Variants in DYNC2H1 observed in about 807,000 individuals in gnomAD.
DYNC2H1 encodes cytoplasmic dynein 2 heavy chain 1.
DYNC2H1 carries 410 observed loss-of-function variants against 570.0 expected under a neutral mutation model. That is an observed-to-expected ratio of 0.72 (90% CI 0.66 to 0.78). The LOEUF (loss-of-function observed/expected upper bound fraction) is 0.78. Ranked by LOEUF, DYNC2H1 falls within the 30% of genes least tolerant of loss-of-function variation. The pLI is 0.00. For missense variants in DYNC2H1, 4,865 were observed against 5,046.4 expected, an observed-to-expected ratio of 0.96 and a Z score of 1.09; for synonymous variants, 1,688 against 1,677.6, an observed-to-expected ratio of 1.01 and a Z score of -0.15.
chr11:103,365,214 A>G (rs1940847676), intron 83 of DYNC2H1, among the ~76,000 whole-genome samples: 1 of 152,076 alleles, frequency 6.6e-6, no homozygotes. Context: ...ATACAAAATT[A>G]GCTGGGCATG....
At position 103,431,299 on chromosome 11, in the gene DYNC2H1, C is replaced by T. The variant is rs541624756; in HGVS notation, c.12367-4644C>T. ...TCTCCATGATTATAAATTTAATTCC[C>T]AATACCTAATTATCTTACATTGAAT... On this transcript the variant is annotated intron_variant, in intron 84 of 88. Transcript: ENST00000375735. Among the ~76,000 whole-genome samples, 14 of 151,452 alleles carry T rather than the reference C, an allele frequency of 9.2e-5. No individual in the cohort carries two copies. The South Asian group carries it at 2.5e-3, about 27-fold the overall frequency.
At chr11:103,418,966 T>C (rs1163568922) in intron 84 of DYNC2H1, among the ~76,000 whole-genome samples, 1 of 152,182 alleles carries the variant, frequency 6.6e-6, no homozygotes, top group Non-Finnish European at 1.5e-5. Context: ...AGTCCTGTGC[T>C]ACCCAGCAAG....
chr11:103,368,254 A>G (rs1054033147), intron 83 of DYNC2H1, among the ~76,000 whole-genome samples: 2 of 152,274 alleles, frequency 1.3e-5, no homozygotes, highest in Middle Eastern at 3.4e-3. Context: ...CAATATCTTT[A>G]CTAACACTTG....
rs1238595474 is a variant in DYNC2H1, at chr11:103,256,792, A to C, written c.10461+552A>C. ...CATAGTTCGAACTTTTCTTCACATC[A>C]GAGATAGCCTGATAGCGCTGTGCTG... On this transcript the variant is annotated intron_variant, in intron 68 of 88. Transcript: ENST00000375735. This position sits in a 1 kb window ranked among gnomAD's most constrained non-coding sequence, Gnocchi z 4.0. 6.6e-6 allele frequency among the ~76,000 whole-genome samples: 1 copy of C among 152,144 alleles called. No homozygotes were observed.
chr11:103,167,522 C>A (rs1246917619), intron 31 of DYNC2H1, among the ~76,000 whole-genome samples: 1 of 152,148 alleles, frequency 6.6e-6, no homozygotes. Context: ...CCTGCCTCGG[C>A]CTCCCAAAGT....
intron 85 of DYNC2H1, among the ~76,000 whole-genome samples, chr11:103,442,153 C>T (rs1169171147): frequency 6.6e-6 from 1 of 151,950 alleles, no homozygotes; most frequent in African/African-American, 2.4e-5. Context: ...ATATATTTAT[C>T]AGTTTATTCA....
rs1490796737 is a variant in DYNC2H1, at chr11:103,312,332, A to G, written c.11649+299A>G. Among the ~76,000 whole-genome samples, 3 of 145,176 alleles carry G rather than the reference A, an allele frequency of 2.1e-5. No homozygotes were observed. In the Admixed American group the frequency reaches 2.1e-4, roughly 10 times the overall value. On this transcript the variant is annotated intron_variant, in intron 79 of 88. Coordinates refer to ENST00000375735, the MANE Select transcript of DYNC2H1 (RefSeq NM_001377.3). ...GAGGCGGAGTTTGTGGTGAGCCGAG[A>G]TTGTGCCATTGCACTCCAGCCTGGG...
chr11:103,346,797 T>C lies in DYNC2H1; in HGVS notation c.12040-11446T>C, dbSNP rs150583839. 2.6e-5 allele frequency among the ~76,000 whole-genome samples: 4 copies of C among 152,324 alleles called. No individual in the cohort carries two copies. In the East Asian group the frequency reaches 7.7e-4, roughly 29 times the overall value. ...GATACAACTCTTCCTTATTGAATAA[T>C]TCTAGATAATAAATATGGCAGGAAT... On this transcript the variant is annotated intron_variant, in intron 82 of 88. Transcript: ENST00000375735.
chr11:103,137,085 C>G (rs1472604135), intron 17 of DYNC2H1, among the ~76,000 whole-genome samples: 1 of 146,096 alleles, frequency 6.8e-6, no homozygotes, highest in Admixed American at 6.9e-5. Flanking sequence ...TTGTTTTTTT[C>G]TTGTAAATTT....
At chr11:103,418,466 T>G (rs1487940031) in intron 84 of DYNC2H1, among the ~76,000 whole-genome samples, 6 of 152,218 alleles carry the variant, frequency 3.9e-5, no homozygotes, top group Non-Finnish European at 7.3e-5. Flanking sequence ...CTAGTGAAAT[T>G]GAAGAAGACC....
Position 103,363,196 on chromosome 11 carries a change from A to G in DYNC2H1, c.12156+4837A>G, listed in dbSNP as rs901678646. On this transcript the variant is annotated intron_variant, in intron 83 of 88. Coordinates refer to ENST00000375735, the MANE Select transcript of DYNC2H1 (RefSeq NM_001377.3). This position sits in a 1 kb window ranked among gnomAD's most constrained non-coding sequence, Gnocchi z 5.6. ...ACTTTTCCAACCTGTTTTTCTTAAC[A>G]CATCAGAGGTAAATGTGCAAGAATA... 5.9e-5 allele frequency among the ~76,000 whole-genome samples: 9 copies of G among 152,140 alleles called. No individual in the cohort carries two copies. The highest frequency in any genetic ancestry group is 2.2e-4 in the African/African-American group (9 of 41,448).
At chr11:103,437,447 CTGATCTGAGCAATTGTTT>C (rs1253975588) in intron 85 of DYNC2H1, among the ~76,000 whole-genome samples, 1 of 151,966 alleles carries the variant, frequency 6.6e-6, no homozygotes, top group Non-Finnish European at 1.5e-5. Context: ...GGCACCAGGA[CTGATCTGAGCAATTGTTT>C]GGCTTCTATT....
At chr11:103,132,649 GGTGTGT>G (rs5794209) in intron 13 of DYNC2H1, among the ~76,000 whole-genome samples, 13 of 148,566 alleles carry the variant, frequency 8.8e-5, no homozygotes, top group South Asian at 4.3e-4. Context: ...GAGGGTTGGG[GGTGTGT>G]GTGTGTGTGT....
At position 103,280,715 on chromosome 11, in the gene DYNC2H1, G is replaced by A. The variant is rs1055507469; in HGVS notation, c.10761+302G>A. On this transcript the variant is annotated intron_variant, in intron 71 of 88. Coordinates refer to ENST00000375735, the MANE Select transcript of DYNC2H1 (RefSeq NM_001377.3). This position sits in a 1 kb window ranked among gnomAD's most constrained non-coding sequence, Gnocchi z 4.7. ...TCAGCCTTCTTCTTTTCCCGGCCTA[G>A]GTAGTAGAGCTCATATAGAAAAAGT... Among the ~76,000 whole-genome samples, 2 of 152,032 alleles carry A rather than the reference G, an allele frequency of 1.3e-5. No homozygotes were observed. Among genetic ancestry groups the A allele is most frequent in the Non-Finnish European group, 2.9e-5 (2 of 67,952 alleles).
intron 84 of DYNC2H1, among the ~76,000 whole-genome samples, chr11:103,425,962 GC>G (rs35706859): frequency 0.56 from 84,323 of 151,824 alleles, 24,056 homozygotes; most frequent in East Asian, 0.72. Flanking sequence ...CAAAATCTCT[GC>G]CAGCACTGTG....
At chr11:103,117,270 A>AATATATATATTTTATATATATATT (rs1565311781) in intron 5 of DYNC2H1, among the ~76,000 whole-genome samples, 2 of 146,850 alleles carry the variant, frequency 1.4e-5, no homozygotes, top group African/African-American at 4.9e-5. Flanking sequence ...ATATATATAT[A>AATATATATATTTTATATATATATT]TTTTTTAATA....
chr11:103,373,394 C>T (rs1941259315), intron 83 of DYNC2H1, among the ~76,000 whole-genome samples: 1 of 51,946 alleles, frequency 1.9e-5, no homozygotes. Flanking sequence ...TTTTTTGACT[C>T]TGATTTTGAG....
At chr11:103,208,337 T>C (rs990355054) in intron 52 of DYNC2H1, among the ~76,000 whole-genome samples, 5 of 152,166 alleles carry the variant, frequency 3.3e-5, no homozygotes, top group African/African-American at 1.2e-4. Flanking sequence ...ATTGGACTGG[T>C]AGATGCCTGC....
intron 39 of DYNC2H1, among the ~76,000 whole-genome samples, chr11:103,179,860 A>G (rs1464493219): frequency 6.6e-6 from 1 of 151,688 alleles, no homozygotes; most frequent in Non-Finnish European, 1.5e-5. Context: ...TTATTTTTGA[A>G]AATCAGTAAT....
Sources: allele counts gnomAD v4.1 joint callset (sites outside exome capture counted in the v4.1 genomes callset), GRCh38; gene constraint gnomAD v4.1.1; non-coding constraint Gnocchi (gnomAD v3.1); transcripts MANE v1.5; gene names NCBI Gene and HGNC (gene_info 2026-07-23, HGNC 2026-07-21).